ANKRD28: variants seen among roughly 807,000 people sequenced by gnomAD.
ANKRD28 encodes the protein ankyrin repeat domain 28.
ANKRD28 carries 44 observed loss-of-function variants against 126.5 expected under a neutral mutation model. That is an observed-to-expected ratio of 0.35 (90% CI 0.27 to 0.45). The LOEUF (loss-of-function observed/expected upper bound fraction) is 0.45. ANKRD28 is among the 20% of genes least tolerant of loss of function. The probability of loss-of-function intolerance (pLI) is 1.00; values close to 1 mark genes in which losing one functional copy is unlikely to be tolerated. For synonymous variants in ANKRD28, 442 were observed against 468.5 expected (o/e 0.94, Z 0.73); for missense variants, 1,110 against 1,316.6 (o/e 0.84, Z 2.43).
intron 3 of ANKRD28, among the ~76,000 whole-genome samples, chr3:15,762,837 T>C (rs753463554): frequency 3.9e-5 from 6 of 152,206 alleles, no homozygotes; most frequent in Non-Finnish European, 8.8e-5. Context: ...CATAATCTCA[T>C]TTGCTTCTTT....
intron 6 of ANKRD28, among the ~76,000 whole-genome samples, chr3:15,727,276 T>C (rs1035058515): frequency 6.6e-6 from 1 of 152,100 alleles, no homozygotes; most frequent in African/African-American, 2.4e-5. Context: ...TCATTCTAGA[T>C]GCCATTAAGA....
At position 15,845,944 on chromosome 3, in the gene ANKRD28, C is replaced by T. The variant is rs2061520956; in HGVS notation, c.27+13433G>A. On this transcript the variant is annotated intron_variant, in intron 1 of 27. Transcript: ENST00000399451. This position sits in a 1 kb window ranked among gnomAD's most constrained non-coding sequence, Gnocchi z 4.9. Reference sequence around the variant, plus strand: ...CTGCCCCAACAATCCAATAGCATCTCACCAGTCCCCTCCTCTGACACATGG... The same window carrying T: ...CTGCCCCAACAATCCAATAGCATCTTACCAGTCCCCTCCTCTGACACATGG... Among the ~76,000 whole-genome samples the T allele has an allele frequency of 1.3e-5, 2 of 152,142 alleles. No homozygotes were observed. Among genetic ancestry groups the T allele is most frequent in the Non-Finnish European group, 2.9e-5 (2 of 68,034 alleles).
chr3:15,757,720 TC>T (rs1321403657), intron 3 of ANKRD28, among the ~76,000 whole-genome samples: 1 of 152,104 alleles, frequency 6.6e-6, no homozygotes, highest in Admixed American at 6.5e-5. Flanking sequence ...ATCACGATCT[TC>T]CCAGGCCCCA....
In ANKRD28 at chr3:15,833,480, T is replaced by C. The variant is rs2061249807; in HGVS notation, c.27+25897A>G. 2.7e-5 allele frequency among the ~76,000 whole-genome samples: 4 copies of C among 148,834 alleles called. No individual in the cohort carries two copies. Among genetic ancestry groups the C allele is most frequent in the Non-Finnish European group, 5.9e-5 (4 of 67,388 alleles). ...ATACTTAAACTCCCCTTCATATATATATAATATATAAAAATATACTACATA... is the reference window on the plus strand; with the variant it reads ...ATACTTAAACTCCCCTTCATATATACATAATATATAAAAATATACTACATA... On this transcript the variant is annotated intron_variant, in intron 1 of 27. Transcript: ENST00000399451. The surrounding 1 kb of genome is among the most constrained non-coding windows in gnomAD (Gnocchi z 4.4).
At chr3:15,828,849 T>TA (rs2061127972) in intron 1 of ANKRD28, among the ~76,000 whole-genome samples, 1 of 152,144 alleles carries the variant, frequency 6.6e-6, no homozygotes, top group Non-Finnish European at 1.5e-5. Context: ...ACCAAGACTC[T>TA]AAATCAAGGT....
chr3:15,810,198 T>C (rs920921311), intron 1 of ANKRD28, among the ~76,000 whole-genome samples: 2 of 152,034 alleles, frequency 1.3e-5, no homozygotes, highest in East Asian at 1.9e-4. Flanking sequence ...AAACAGTCAG[T>C]AGGCTATCAC....
In ANKRD28 at chr3:15,721,071, T is replaced by C; in HGVS notation, c.840A>G (p.Gly280=). Residue 280 remains glycine, a synonymous_variant, in exon 8 of 28, where the codon GGA becomes GGG. Transcript: ENST00000683139. ...TAAGTTCATTCACTACAACATCTTG[T>C]CCATTATAGCAGGCTACATGAAGAG... The part of the protein sequence containing the change: ...NTPLHVACYN[G]QDVVVNELID... The C allele has an allele frequency of 6.2e-7, 1 of 1,613,856 alleles. No individual in the cohort carries two copies. The highest frequency in any genetic ancestry group is 8.5e-7 in the Non-Finnish European group (1 of 1,179,800).
chr3:15,797,859 A>T lies in ANKRD28; in HGVS notation c.-1338T>A. On this transcript the variant is annotated 5_prime_UTR_variant, in exon 1 of 28. Transcript: ENST00000683139. ...GAGTAGGTCCTTAAAAAATATCTAT[A>T]GAACCTCAGTATCAGTCCCACAGAA... is the stretch of plus-strand genomic sequence containing the variant. 2 of 985,466 alleles carry T rather than the reference A, an allele frequency of 2.0e-6. No individual in the cohort carries two copies. Among genetic ancestry groups the T allele is most frequent in the Non-Finnish European group, 2.4e-6 (2 of 829,948 alleles). The allele number at this position is 985,466 out of a possible 1,614,324, so 61.0% of individuals were successfully genotyped here. A position where few individuals can be genotyped will look rare whatever the true frequency, so the allele number is the denominator to read the frequency against.
At chr3:15,730,004 A>C (rs1381307992) in intron 6 of ANKRD28, among the ~76,000 whole-genome samples, 1 of 152,036 alleles carries the variant, frequency 6.6e-6, no homozygotes, top group African/African-American at 2.4e-5. Flanking sequence ...GGTGTGTGCC[A>C]CCACACCCAG....
At chr3:15,678,139 C>T (rs2067149037) in intron 24 of ANKRD28, 70 bp downstream of exon 24, 1 of 1,426,742 alleles carries the variant, frequency 7.0e-7, no homozygotes, top group Admixed American at 2.4e-5. Context: ...AGTCAGAAGT[C>T]TTGGGATCTA....
rs529192909 is a variant in ANKRD28, at chr3:15,795,088, C to T, written c.201+135G>A. On this transcript the variant is annotated intron_variant, in intron 2 of 27. Coordinates refer to ENST00000683139, the MANE Select transcript of ANKRD28 (RefSeq NM_001349278.2). ...ATATGTCCAGTGTTTTCCCTTTTGC[C>T]TCAATACCTTCCTGCCCTCATTTAA... 5.3e-5 allele frequency: 34 copies of T among 646,854 alleles called. No homozygotes were observed. In the South Asian group the frequency reaches 6.5e-4, roughly 12 times the overall value. 40.1% of individuals were successfully genotyped at this position (646,854 alleles called of 1,614,324 possible).
At position 15,777,889 on chromosome 3, in the gene ANKRD28, CACACACACACACA is replaced by C. The variant is rs1559515173; in HGVS notation, c.202-11590_202-11578del. ...ACACACACACACACACACACACACA[CACACACACACACA>C]CCCTCTCCGCCCTAGCCCCGTCAAT... On this transcript the variant is annotated intron_variant, in intron 2 of 27. Coordinates refer to ENST00000683139, the MANE Select transcript of ANKRD28 (RefSeq NM_001349278.2). 3.3e-5 allele frequency among the ~76,000 whole-genome samples: 5 copies of C among 151,524 alleles called. No individual in the cohort carries two copies. The East Asian group carries it at 7.8e-4, about 24-fold the overall frequency.
At position 15,830,749 on chromosome 3, in the gene ANKRD28, A is replaced by G. The variant is rs2061171183; in HGVS notation, c.27+28628T>C. 1.3e-5 allele frequency among the ~76,000 whole-genome samples: 2 copies of G among 152,022 alleles called. No homozygotes were observed. Among genetic ancestry groups the G allele is most frequent in the Admixed American group, 6.6e-5 (1 of 15,258 alleles). Reference sequence around the variant, plus strand: ...CCTTGGAATGTCCTGCTTGATAAAGAGTCGTTGTTTACCTGGGGGCTTTGG... The same window carrying G: ...CCTTGGAATGTCCTGCTTGATAAAGGGTCGTTGTTTACCTGGGGGCTTTGG... On this transcript the variant is annotated intron_variant, in intron 1 of 27. Transcript: ENST00000399451. The surrounding 1 kb of genome is among the most constrained non-coding windows in gnomAD (Gnocchi z 4.5).
At chr3:15,711,393 T>C in intron 11 of ANKRD28, 119 bp from the exon 12 acceptor site, 1 of 781,286 alleles carries the variant, frequency 1.3e-6, no homozygotes, top group Non-Finnish European at 2.1e-6. Context: ...TATGGGTTCT[T>C]AAGTGCTAGA....
At chr3:15,822,109 C>G (rs1285715365) in intron 1 of ANKRD28, among the ~76,000 whole-genome samples, 1 of 152,198 alleles carries the variant, frequency 6.6e-6, no homozygotes, top group African/African-American at 2.4e-5. Flanking sequence ...GTGTCCAGGA[C>G]TGGCCATATG....
chr3:15,759,885 C>G (rs544512977), intron 3 of ANKRD28, among the ~76,000 whole-genome samples: 2 of 152,264 alleles, frequency 1.3e-5, no homozygotes, highest in African/African-American at 4.8e-5. Flanking sequence ...ATCTTTCAGA[C>G]GATCTAGAGC....
intron 1 of ANKRD28, among the ~76,000 whole-genome samples, chr3:15,852,811 C>T (rs190525691): frequency 3.7e-4 from 44 of 119,472 alleles, no homozygotes; most frequent in Admixed American, 1.1e-3. Flanking sequence ...CCAGCCTGGG[C>T]GACAGTGCGA....
At chr3:15,765,847 CAAAAA>C (rs202083902) in intron 3 of ANKRD28, among the ~76,000 whole-genome samples, 2 of 133,112 alleles carry the variant, frequency 1.5e-5, no homozygotes, top group African/African-American at 6.0e-5. Context: ...AACCAAAAAC[CAAAAA>C]AAAAAAAAAA....
intron 1 of ANKRD28, among the ~76,000 whole-genome samples, chr3:15,836,919 T>A (rs1432521613): frequency 6.6e-6 from 1 of 151,568 alleles, no homozygotes; most frequent in Non-Finnish European, 1.5e-5. Context: ...GCTAACACGG[T>A]GAAACCCAGG....
Sources: allele counts gnomAD v4.1 joint callset (sites outside exome capture counted in the v4.1 genomes callset), GRCh38; gene constraint gnomAD v4.1.1; non-coding constraint Gnocchi (gnomAD v3.1); transcripts MANE v1.5; gene names NCBI Gene and HGNC (gene_info 2026-07-23, HGNC 2026-07-21).